Variants in GPHN observed in about 807,000 individuals in gnomAD.
GPHN encodes the protein gephyrin.
GPHN carries 17 observed loss-of-function variants against 95.5 expected under a neutral mutation model. That is an observed-to-expected ratio of 0.18 (90% CI 0.12 to 0.27). GPHN has a LOEUF of 0.27. GPHN is among the 10% of genes least tolerant of loss of function. GPHN has a pLI of 1.00. For missense variants in GPHN, 660 were observed against 978.1 expected, an observed-to-expected ratio of 0.67 and a Z score of 4.34; for synonymous variants, 320 against 322.5, an observed-to-expected ratio of 0.99 and a Z score of 0.08.
At chr14:67,717,357 A>G in the GPHN span, among the ~76,000 whole-genome samples, 24 of 152,232 alleles carry the variant, frequency 1.6e-4, no homozygotes, top group Admixed American at 1.4e-3. Context: ...GATTAGAGGT[A>G]AACAGAATTA....
chr14:66,572,307 A>C (rs2060724531), intron 1 of GPHN, among the ~76,000 whole-genome samples: 1 of 152,212 alleles, frequency 6.6e-6, no homozygotes, highest in African/African-American at 2.4e-5. Flanking sequence ...GAATTTTGAC[A>C]GTGGTTACGT....
the GPHN span, chr14:67,338,573 A>C: frequency 6.3e-7 from 1 of 1,580,298 alleles, no homozygotes; most frequent in Non-Finnish European, 8.6e-7. Context: ...ACTGTGAATT[A>C]AAATGAAGCC....
the GPHN span, chr14:67,733,976 C>T: frequency 1.5e-6 from 1 of 679,882 alleles, no homozygotes; most frequent in Admixed American, 2.1e-5. Flanking sequence ...TGCTCTGATC[C>T]TCTTGACCCT....
chr14:67,581,170 C>G, the GPHN span: 1 of 639,502 alleles, frequency 1.6e-6, no homozygotes, highest in African/African-American at 1.8e-5. Flanking sequence ...CTGGCAGTCA[C>G]TAGCTGGGGT....
chr14:67,564,399 T>G, the GPHN span, among the ~76,000 whole-genome samples: 1 of 152,168 alleles, frequency 6.6e-6, no homozygotes, highest in African/African-American at 2.4e-5. Flanking sequence ...GGGACACAGA[T>G]GAAGCATGAC....
intron 3 of GPHN, among the ~76,000 whole-genome samples, chr14:66,800,444 A>C (rs933263549): frequency 2.6e-5 from 4 of 152,124 alleles, no homozygotes; most frequent in Non-Finnish European, 5.9e-5. Context: ...TGTTTGAAAA[A>C]TATTCTATTC....
the GPHN span, among the ~76,000 whole-genome samples, chr14:67,349,439 C>A: frequency 6.6e-6 from 1 of 152,200 alleles, no homozygotes; most frequent in Non-Finnish European, 1.5e-5. Context: ...GAGAAAACTC[C>A]TTTCTAGGTT....
chr14:67,054,188 C>A (rs2075441808), intron 10 of GPHN, among the ~76,000 whole-genome samples: 2 of 152,176 alleles, frequency 1.3e-5, no homozygotes, highest in Non-Finnish European at 2.9e-5. Flanking sequence ...TTGCAGATGA[C>A]ATACTCCTAT....
chr14:67,282,918 T>G, the GPHN span, among the ~76,000 whole-genome samples: 4 of 152,220 alleles, frequency 2.6e-5, 1 homozygote, highest in South Asian at 8.3e-4. Flanking sequence ...TGTTCTCAGT[T>G]AAGTAATTTT....
chr14:67,373,782 C>T, the GPHN span, among the ~76,000 whole-genome samples: 1 of 151,800 alleles, frequency 6.6e-6, no homozygotes, highest in African/African-American at 2.4e-5. Flanking sequence ...TGTTTAAGCA[C>T]CTAACATAGT....
chr14:66,840,990 T>C (rs1034282211), intron 4 of GPHN, among the ~76,000 whole-genome samples: 1 of 118,016 alleles, frequency 8.5e-6, no homozygotes. Context: ...GATATAGATA[T>C]AGATATAGAT....
chr14:66,854,651 ATCATT>A (rs1393231082), intron 4 of GPHN, among the ~76,000 whole-genome samples: 4 of 152,158 alleles, frequency 2.6e-5, no homozygotes, highest in Non-Finnish European at 5.9e-5. Flanking sequence ...TGTCTTTATT[ATCATT>A]TCCAGAGTCT....
At chr14:67,178,747 A>G (rs72717332) in intron 21 of GPHN, among the ~76,000 whole-genome samples, 7,727 of 152,304 alleles carry the variant, frequency 0.051, 211 homozygotes, top group Middle Eastern at 0.068. Flanking sequence ...AGGTCTCCAA[A>G]TGTATTCAAC....
chr14:66,860,850 A>G (rs1304643075), intron 4 of GPHN, among the ~76,000 whole-genome samples: 3 of 152,108 alleles, frequency 2.0e-5, no homozygotes, highest in Non-Finnish European at 4.4e-5. Flanking sequence ...TGCAAGCCTC[A>G]TGGTAACTTC....
chr14:67,392,442 G>A, the GPHN span: 1 of 1,584,162 alleles, frequency 6.3e-7, no homozygotes, highest in South Asian at 1.1e-5. Flanking sequence ...GGGGAAGGAG[G>A]GAGCAAGGAC....
intron 9 of GPHN, chr14:66,969,053 A>G (rs1331303400): frequency 6.6e-6 from 1 of 152,106 alleles, no homozygotes; most frequent in Non-Finnish European, 1.5e-5. Context: ...ATTACAACCT[A>G]ATGAAGATAA....
At chr14:66,541,954 G>T (rs1047325366) in intron 1 of GPHN, among the ~76,000 whole-genome samples, 2 of 152,144 alleles carry the variant, frequency 1.3e-5, no homozygotes, top group Admixed American at 6.5e-5. Flanking sequence ...GATAATTAAC[G>T]TATTGATCTT....
At chr14:67,617,846 G>A in the GPHN span, among the ~76,000 whole-genome samples, 6 of 152,166 alleles carry the variant, frequency 3.9e-5, no homozygotes, top group Admixed American at 6.5e-5. Flanking sequence ...TCAGACTCCT[G>A]AGTAGTTGGG....
chr14:66,878,577 C>T (rs1383541436), intron 4 of GPHN, among the ~76,000 whole-genome samples: 2 of 151,890 alleles, frequency 1.3e-5, no homozygotes, highest in South Asian at 4.2e-4. Context: ...CTTCTCAAAA[C>T]GAAGACAGTT....
Sources: gnomAD v4.1 joint callset for allele counts (sites outside exome capture counted in the v4.1 genomes callset) on GRCh38, gnomAD v4.1.1 for gene constraint, MANE v1.5 for transcripts, NCBI Gene and HGNC (gene_info 2026-07-23, HGNC 2026-07-21) for gene names.